The following MYOM2 variants were observed in gnomAD, a reference collection of about 807,000 sequenced individuals.
MYOM2 encodes myomesin-2.
Under a neutral mutation model 187.6 loss-of-function variants are expected in MYOM2, and 254 were observed. The observed-to-expected ratio is 1.35, with a 90% CI of 1.22 to 1.50. The LOEUF (loss-of-function observed/expected upper bound fraction) is 1.50, where lower values mean the gene tolerates loss of function less well. MYOM2 is among the 40% of genes most tolerant of loss of function. The pLI is 0.00. For missense variants in MYOM2, 2,796 were observed against 1,924.0 expected (o/e 1.45, Z -8.48); for synonymous variants, 981 against 753.8 (o/e 1.30, Z -4.94).
chr8:2,088,886 T>C (rs1261560173), intron 14 of MYOM2, among the ~76,000 whole-genome samples: 1 of 152,254 alleles, frequency 6.6e-6, no homozygotes, highest in Non-Finnish European at 1.5e-5. Flanking sequence ...CAGCAGTGGA[T>C]AAGCCTTCCC....
intron 32 of MYOM2, among the ~76,000 whole-genome samples, chr8:2,135,618 C>T (rs916884160): frequency 6.6e-6 from 1 of 152,122 alleles, no homozygotes; most frequent in Non-Finnish European, 1.5e-5. Context: ...TTTCTTCTAT[C>T]CTCCACTGTC....
intron 14 of MYOM2, among the ~76,000 whole-genome samples, chr8:2,089,681 C>T (rs573795081): frequency 2.6e-5 from 4 of 152,248 alleles, no homozygotes; most frequent in East Asian, 1.9e-4. Flanking sequence ...AATTATCTTT[C>T]ATTATTTGCA....
chr8:2,057,906 GA>G (rs1818724690), intron 5 of MYOM2, 126 bp downstream of exon 5: 1 of 889,252 alleles, frequency 1.1e-6, no homozygotes, highest in Non-Finnish European at 1.6e-6. Context: ...ACTCTAAGCA[GA>G]AATATGTTTA....
Position 2,078,914 on chromosome 8 carries a change from G to C in MYOM2, c.1443G>C (p.Leu481Phe), listed in dbSNP as rs1819527560. ...VSDAVAALDP[L>F]DLRRLQAVHL... ...ATGCGGTGGCTGCACTTGACCCCTT[G>C]GACCTCAGAAGGTTACAAGGTAAGC... Residue 481 changes from leucine to phenylalanine, a missense_variant, in exon 12 of 37, where the codon TTG becomes TTC. By Grantham distance (22) the Leu-to-Phe change is conservative (BLOSUM62 0). Coordinates refer to ENST00000262113, the MANE Select transcript of MYOM2 (RefSeq NM_003970.4). The C allele has an allele frequency of 1.2e-5, 20 of 1,613,762 alleles. No homozygotes were observed. The highest frequency in any genetic ancestry group is 1.7e-5 in the Non-Finnish European group (20 of 1,179,856).
intron 31 of MYOM2, among the ~76,000 whole-genome samples, chr8:2,126,082 A>G (rs1407603859): frequency 6.6e-6 from 1 of 152,172 alleles, no homozygotes; most frequent in Non-Finnish European, 1.5e-5. Context: ...ACTCATGGAT[A>G]ATAGAACTGA....
chr8:2,052,355 G>A (rs760841841), intron 3 of MYOM2, 42 bp downstream of exon 3: 5 of 1,553,930 alleles, frequency 3.2e-6, no homozygotes, highest in Non-Finnish European at 3.5e-6. Context: ...GCCCTGCGTG[G>A]GGTCACAGTG....
rs549478536 is a variant in MYOM2, at chr8:2,097,097, C to T, written c.2313+663C>T. The T allele has an allele frequency of 2.3e-4, 229 of 981,156 alleles. 1 individual carries two copies. In the African/African-American group the frequency reaches 3.8e-3, roughly 16 times the overall value. 60.8% of individuals were successfully genotyped at this position (981,156 alleles called of 1,614,324 possible). A position where few individuals can be genotyped will look rare whatever the true frequency, so the allele number is the denominator to read the frequency against. The stretch of plus-strand genomic sequence containing the variant: ...CCGGACTGTGGGGAGCCACAGACCT[C>T]AGGGGAGTCACTTACACTCCAACAG... On this transcript the variant is annotated intron_variant, in intron 18 of 36. Coordinates refer to ENST00000262113, the MANE Select transcript of MYOM2 (RefSeq NM_003970.4).
intron 14 of MYOM2, among the ~76,000 whole-genome samples, chr8:2,088,020 A>T (rs1796155724): frequency 6.6e-6 from 1 of 152,126 alleles, no homozygotes; most frequent in South Asian, 2.1e-4. Flanking sequence ...AGTATTGATG[A>T]CATGGCAGGC....
At chr8:2,085,159 A>G in intron 13 of MYOM2, 104 bp from the exon 14 acceptor site, 1 of 1,417,506 alleles carries the variant, frequency 7.1e-7, no homozygotes, top group South Asian at 1.4e-5. Context: ...TAGAAACAAA[A>G]CAAGTTCAAC....
intron 1 of MYOM2, among the ~76,000 whole-genome samples, chr8:2,048,486 C>G (rs112350910): frequency 0.02 from 2,979 of 152,348 alleles, 36 homozygotes; most frequent in Middle Eastern, 0.051. Flanking sequence ...TTCTCAGATA[C>G]CTTTTCCTGT....
intron 32 of MYOM2, among the ~76,000 whole-genome samples, chr8:2,138,693 A>G (rs954163200): frequency 3.3e-5 from 5 of 152,162 alleles, no homozygotes; most frequent in African/African-American, 1.2e-4. Context: ...ATTATTGTAG[A>G]CAAATGTGTG....
At chr8:2,125,728 C>T (rs73169429) in intron 31 of MYOM2, among the ~76,000 whole-genome samples, 28,991 of 146,932 alleles carry the variant, frequency 0.2, 2,979 homozygotes, top group East Asian at 0.38. Context: ...CTACCTCAGT[C>T]TCCAGAGTAG....
At chr8:2,110,985 A>G (rs17064726) in intron 25 of MYOM2, among the ~76,000 whole-genome samples, 3,314 of 152,368 alleles carry the variant, frequency 0.022, 138 homozygotes, top group African/African-American at 0.076. Context: ...CAAAAAAGCC[A>G]GTGGTATAAC....
rs1256716429 is a variant in MYOM2 at position 2,123,260 on chromosome 8, C to T, written c.3462C>T (p.Asn1154=). 3 of 1,611,386 alleles carry T rather than the reference C, an allele frequency of 1.9e-6. No homozygotes were observed. Among genetic ancestry groups the T allele is most frequent in the South Asian group, 2.2e-5 (2 of 90,270 alleles). Residue 1154 remains asparagine (N), a synonymous_variant, in exon 29 of 37, where the codon AAC becomes AAT. Coordinates refer to ENST00000262113, the MANE Select transcript of MYOM2 (RefSeq NM_003970.4). ...AGCTTTCTACCTCACAGGTTGCAAA[C>T]ACCAAGAAAGAAACCGTTTTCAAAT... ...CEVRLVCKVA[N]TKKETVFKWL... is the part of the protein sequence containing the mutation.
chr8:2,124,520 G>A (rs1331182460), intron 31 of MYOM2, among the ~76,000 whole-genome samples: 1 of 152,206 alleles, frequency 6.6e-6, no homozygotes, highest in Non-Finnish European at 1.5e-5. Context: ...ATTGCTATGA[G>A]CAGCTTTTTA....
intron 27 of MYOM2, among the ~76,000 whole-genome samples, chr8:2,117,331 C>T (rs1797282810): frequency 6.6e-6 from 1 of 152,090 alleles, no homozygotes; most frequent in Non-Finnish European, 1.5e-5. Context: ...TAGTGTATGA[C>T]TTATTCCTAC....
chr8:2,077,006 CAG>C (rs1318698174), intron 11 of MYOM2, among the ~76,000 whole-genome samples: 1 of 152,020 alleles, frequency 6.6e-6, no homozygotes, highest in Non-Finnish European at 1.5e-5. Context: ...AGAAATTAGA[CAG>C]AGAGTAAAAG....
At chr8:2,085,171 C>A in intron 13 of MYOM2, 92 bp from the exon 14 acceptor site, 1 of 1,478,726 alleles carries the variant, frequency 6.8e-7, no homozygotes, top group Non-Finnish European at 9.1e-7. Flanking sequence ...AAGTTCAACA[C>A]CCACGTGGCA....
At chr8:2,094,889 G>GTTGC (rs1436910484) in intron 17 of MYOM2, among the ~76,000 whole-genome samples, 1 of 152,146 alleles carries the variant, frequency 6.6e-6, no homozygotes, top group East Asian at 1.9e-4. Context: ...CCCTAGAACA[G>GTTGC]TTGCTGTATC....
Sources: gnomAD v4.1 joint callset for allele counts (sites outside exome capture counted in the v4.1 genomes callset) on GRCh38, gnomAD v4.1.1 for gene constraint, MANE v1.5 for transcripts, NCBI Gene and HGNC (gene_info 2026-07-23, HGNC 2026-07-21) for gene names.